The following ABL1 variants were observed in gnomAD, a reference collection of about 807,000 sequenced individuals.
The protein encoded by ABL1 is ABL proto-oncogene 1, non-receptor tyrosine kinase, also known as tyrosine-protein kinase ABL1.
Under a neutral mutation model 94.7 loss-of-function variants are expected in ABL1, and 11 were observed. That is an observed-to-expected ratio of 0.12 (90% confidence interval 0.07 to 0.19). ABL1 has a LOEUF of 0.19. Among genes scored for constraint, ABL1 ranks in the 10% least tolerant of loss-of-function variants. The pLI, the probability that ABL1 is intolerant of heterozygous loss-of-function variation, is 1.00. For synonymous variants in ABL1, 656 were observed against 622.4 expected (o/e 1.05, Z -0.80); for missense variants, 1,082 against 1,489.4 (o/e 0.73, Z 4.50).
chr9:130,865,551 A>G (rs1205543653), intron 4 of ABL1, among the ~76,000 whole-genome samples: 1 of 152,192 alleles, frequency 6.6e-6, no homozygotes, highest in East Asian at 1.9e-4. Context: ...GTTAAAGACC[A>G]GCCTGGGCAA....
chr9:130,822,915 A>G (rs900107099), intron 1 of ABL1, among the ~76,000 whole-genome samples: 8 of 151,920 alleles, frequency 5.3e-5, no homozygotes, highest in African/African-American at 1.7e-4. Flanking sequence ...CTTCTGCCTC[A>G]GCATCCCAAG....
At chr9:130,833,492 G>A (rs1315729222), upstream of ABL1, among the ~76,000 whole-genome samples, 1 of 152,174 alleles carries the variant, frequency 6.6e-6, no homozygotes, top group African/African-American at 2.4e-5. Context: ...GCGCTTCCCA[G>A]ATCCTAGAAA....
intron 1 of ABL1, among the ~76,000 whole-genome samples, chr9:130,803,635 T>C (rs1024993011): frequency 4.6e-5 from 7 of 152,340 alleles, no homozygotes; most frequent in African/African-American, 1.7e-4. Flanking sequence ...ATCTGTTATC[T>C]GGAGGTAGAA....
intron 4 of ABL1, among the ~76,000 whole-genome samples, chr9:130,870,745 A>G (rs574994088): frequency 1.3e-5 from 2 of 152,196 alleles, no homozygotes; most frequent in South Asian, 2.1e-4. Flanking sequence ...TTTAATTGAC[A>G]TTAAGAGCAG....
At chr9:130,766,495 A>G (rs1832185369) in intron 1 of ABL1, among the ~76,000 whole-genome samples, 1 of 152,166 alleles carries the variant, frequency 6.6e-6, no homozygotes, top group Non-Finnish European at 1.5e-5. Flanking sequence ...GTGGTTAGGA[A>G]GATGAGGAAG....
At chr9:130,820,289 A>G (rs1447856192) in intron 1 of ABL1, among the ~76,000 whole-genome samples, 1 of 152,144 alleles carries the variant, frequency 6.6e-6, no homozygotes, top group African/African-American at 2.4e-5. Flanking sequence ...TGTAGTTGGG[A>G]ACTCTACAAA....
intron 1 of ABL1, among the ~76,000 whole-genome samples, chr9:130,803,438 A>G (rs1438651938): frequency 2.6e-5 from 4 of 152,240 alleles, no homozygotes; most frequent in Non-Finnish European, 5.9e-5. Flanking sequence ...ATGTCTGTGC[A>G]TGACATAAAT....
intron 10 of ABL1, among the ~76,000 whole-genome samples, chr9:130,881,014 G>A (rs1406250471): frequency 1.3e-5 from 2 of 152,258 alleles, no homozygotes; most frequent in African/African-American, 4.8e-5. Flanking sequence ...GCACCAGGCT[G>A]CGTGACAAGC....
intron 1 of ABL1, among the ~76,000 whole-genome samples, chr9:130,736,413 A>G (rs1156274990): frequency 6.6e-6 from 1 of 152,100 alleles, no homozygotes; most frequent in Non-Finnish European, 1.5e-5. Context: ...GACTTTTTCC[A>G]ATCTGATATC....
chr9:130,876,168 T>C (rs760318503), intron 7 of ABL1, among the ~76,000 whole-genome samples: 3 of 151,882 alleles, frequency 2.0e-5, no homozygotes, highest in Non-Finnish European at 4.4e-5. Flanking sequence ...GGGGGTTTTT[T>C]TTTGAGTAAT....
chr9:130,714,566 T>C, intron 1 of ABL1: 1 of 1,416,052 alleles, frequency 7.1e-7, no homozygotes, highest in East Asian at 2.3e-5. Context: ...TTCCACTTAA[T>C]AAATTTGTTA....
intron 1 of ABL1, among the ~76,000 whole-genome samples, chr9:130,853,170 CTTTTTTTTT>C (rs11418318): frequency 1.2e-3 from 94 of 75,348 alleles, no homozygotes; most frequent in African/African-American, 4.5e-3. Flanking sequence ...TTTGACTTTT[CTTTTTTTTT>C]TTTTTTTTTT....
intron 1 of ABL1, among the ~76,000 whole-genome samples, chr9:130,735,006 T>A (rs1229892655): frequency 2.0e-5 from 3 of 152,156 alleles, no homozygotes; most frequent in African/African-American, 7.2e-5. Flanking sequence ...GTTTTACGAT[T>A]TATTTTAAAA....
chr9:130,786,124 C>G (rs1829822446), intron 1 of ABL1, among the ~76,000 whole-genome samples: 2 of 152,126 alleles, frequency 1.3e-5, no homozygotes, highest in South Asian at 4.1e-4. Context: ...CAGAAAGGAG[C>G]TGGGGGAACG....
At chr9:130,763,276 G>A (rs575008570) in intron 1 of ABL1, among the ~76,000 whole-genome samples, 1 of 151,818 alleles carries the variant, frequency 6.6e-6, no homozygotes, top group South Asian at 2.1e-4. Context: ...ATTTAGCAAA[G>A]TAAAGAATAG....
chr9:130,715,223 T>TTAAA (rs1831422680), intron 1 of ABL1, among the ~76,000 whole-genome samples: 1 of 152,230 alleles, frequency 6.6e-6, no homozygotes, highest in African/African-American at 2.4e-5. Context: ...CTGTGCGAAG[T>TTAAA]TAAAGCTAAG....
In ABL1 at chr9:130,733,440, AT is replaced by A. The variant is rs978829264; in HGVS notation, c.136+18994del. Among the ~76,000 whole-genome samples the A allele has an allele frequency of 7.3e-5, 11 of 151,100 alleles. No homozygotes were observed. In the East Asian group the frequency reaches 1.7e-3, roughly 24 times the overall value. On this transcript the variant is annotated intron_variant, in intron 1 of 10. Transcript: ENST00000372348. ...TGTGGATGTGTAAAGTTAAAAAAAA[AT>A]TTTTTTTTCTTGTAGCAGGGTCTCA...
intron 1 of ABL1, among the ~76,000 whole-genome samples, chr9:130,780,785 A>T (rs3020753): frequency 0.37 from 56,536 of 152,174 alleles, 10,729 homozygotes; most frequent in Middle Eastern, 0.51. Flanking sequence ...GAAAGTAGAT[A>T]GGATTCTGAG....
At chr9:130,769,302 T>C (rs577399096) in intron 1 of ABL1, among the ~76,000 whole-genome samples, 1 of 151,460 alleles carries the variant, frequency 6.6e-6, no homozygotes, top group Non-Finnish European at 1.5e-5. Context: ...TTAGCTTTAA[T>C]TTGGAGAGCC....
Sources: allele counts gnomAD v4.1 joint callset (sites outside exome capture counted in the v4.1 genomes callset), GRCh38; gene constraint gnomAD v4.1.1; transcripts MANE v1.5; gene names NCBI Gene and HGNC (gene_info 2026-07-23, HGNC 2026-07-21).